The following PTPRQ variants were observed in gnomAD, a reference collection of about 807,000 sequenced individuals.
PTPRQ encodes the protein protein tyrosine phosphatase receptor type Q.
A neutral mutation model predicts 246.0 loss-of-function variants in PTPRQ; 199 were observed. The ratio of observed to expected loss-of-function variants is 0.81; its 90% CI spans 0.72 to 0.91. The LOEUF (loss-of-function observed/expected upper bound fraction) is 0.91, where lower values mean the gene tolerates loss of function less well. Ranked by LOEUF, PTPRQ falls within the 40% of genes least tolerant of loss-of-function variation. The pLI is 0.00. For missense variants in PTPRQ, 2,624 were observed against 2,528.4 expected, an observed-to-expected ratio of 1.04 and a Z score of -0.81; for synonymous variants, 869 against 853.2, an observed-to-expected ratio of 1.02 and a Z score of -0.32.
intron 26 of PTPRQ, among the ~76,000 whole-genome samples, chr12:80,601,605 T>TTG (rs1410483496): frequency 6.6e-6 from 1 of 151,772 alleles, no homozygotes; most frequent in Non-Finnish European, 1.5e-5. Flanking sequence ...GATCAGAAAA[T>TTG]TGTTTCTGTC....
intron 17 of PTPRQ, among the ~76,000 whole-genome samples, chr12:80,518,293 T>C (rs544802815): frequency 5.9e-5 from 9 of 152,320 alleles, no homozygotes; most frequent in African/African-American, 2.2e-4. Context: ...TTTTGAGAAA[T>C]GTCTATTCAA....
chr12:80,599,064 A>G (rs1316719022), intron 26 of PTPRQ, among the ~76,000 whole-genome samples: 1 of 151,944 alleles, frequency 6.6e-6, no homozygotes. Context: ...TTTTATATGG[A>G]CTAGGCAAAA....
chr12:80,517,044 A>T (rs1895324280), intron 17 of PTPRQ, among the ~76,000 whole-genome samples: 1 of 152,114 alleles, frequency 6.6e-6, no homozygotes, highest in African/African-American at 2.4e-5. Context: ...CAATGTTCTG[A>T]CCAATGTTCT....
At chr12:80,652,648 A>C in intron 37 of PTPRQ, 96 bp from the exon 38 acceptor site, 1 of 1,151,014 alleles carries the variant, frequency 8.7e-7, no homozygotes, top group African/African-American at 1.6e-5. Flanking sequence ...TTTAAAAATT[A>C]AAAAAAAAGT....
At chr12:80,631,573 T>C (rs1899437291) in intron 33 of PTPRQ, among the ~76,000 whole-genome samples, 1 of 152,188 alleles carries the variant, frequency 6.6e-6, no homozygotes, top group South Asian at 2.1e-4. Flanking sequence ...TTATATGTCT[T>C]GAATTTGTTT....
At chr12:80,562,283 A>G (rs1350418914) in intron 25 of PTPRQ, among the ~76,000 whole-genome samples, 2 of 152,184 alleles carry the variant, frequency 1.3e-5, no homozygotes, top group African/African-American at 4.8e-5. Context: ...TAGTTACTGT[A>G]TAAGAGTAAT....
chr12:80,554,975 G>A (rs531138651), intron 25 of PTPRQ, among the ~76,000 whole-genome samples: 21 of 151,596 alleles, frequency 1.4e-4, no homozygotes, highest in East Asian at 5.9e-4. Flanking sequence ...GTGAAGTGGC[G>A]CTATCTTGAC....
At chr12:80,644,430 T>C (rs554772480) in intron 35 of PTPRQ, among the ~76,000 whole-genome samples, 1 of 152,278 alleles carries the variant, frequency 6.6e-6, no homozygotes, top group South Asian at 2.1e-4. Flanking sequence ...CTATCATAAA[T>C]GAATATCCTA....
chr12:80,477,726 G>T (rs1372511901), intron 8 of PTPRQ, among the ~76,000 whole-genome samples: 1 of 152,166 alleles, frequency 6.6e-6, no homozygotes, highest in Non-Finnish European at 1.5e-5. Flanking sequence ...AAGCGCAAGG[G>T]GTCAGGGAGT....
At position 80,555,498 on chromosome 12, in the gene PTPRQ, C is replaced by T. The variant is rs547296221; in HGVS notation, c.4285+5764C>T. Among the ~76,000 whole-genome samples, 77 of 152,254 alleles carry T rather than the reference C, an allele frequency of 5.1e-4. No homozygotes were observed. In the East Asian group the frequency reaches 6.6e-3, roughly 13 times the overall value. ...ATTAGTGCACTAAATCAAAAGTTCACTTTTCCTTTGTATCCTACTTACATA... is the reference window on the plus strand; with the variant it reads ...ATTAGTGCACTAAATCAAAAGTTCATTTTTCCTTTGTATCCTACTTACATA... On this transcript the variant is annotated intron_variant, in intron 25 of 44. Coordinates refer to ENST00000644991, the MANE Select transcript of PTPRQ (RefSeq NM_001145026.2).
At chr12:80,478,047 T>C (rs369553586) in intron 8 of PTPRQ, among the ~76,000 whole-genome samples, 79 of 152,210 alleles carry the variant, frequency 5.2e-4, no homozygotes, top group Non-Finnish European at 8.8e-4. Context: ...GGAGGCCTGC[T>C]TGCCTCTGTA....
At chr12:80,610,102 T>C (rs1898492527) in intron 27 of PTPRQ, among the ~76,000 whole-genome samples, 1 of 150,508 alleles carries the variant, frequency 6.6e-6, no homozygotes, top group Non-Finnish European at 1.5e-5. Context: ...GCCTGTGTGA[T>C]TAGGTACCAA....
chr12:80,499,874 G>A (rs1005429450), intron 14 of PTPRQ, among the ~76,000 whole-genome samples: 3 of 151,874 alleles, frequency 2.0e-5, no homozygotes, highest in Admixed American at 1.3e-4. Context: ...TACTTAGGGT[G>A]TAATAATCAT....
intron 17 of PTPRQ, among the ~76,000 whole-genome samples, chr12:80,519,139 C>A (rs1895395706): frequency 6.6e-6 from 1 of 151,936 alleles, no homozygotes; most frequent in South Asian, 2.1e-4. Context: ...TTTTTGGTGT[C>A]CTCTTCACTT....
At chr12:80,447,311 C>A (rs1251794122) in intron 3 of PTPRQ, among the ~76,000 whole-genome samples, 1 of 151,824 alleles carries the variant, frequency 6.6e-6, no homozygotes, top group Non-Finnish European at 1.5e-5. Flanking sequence ...TTGTTGGAAG[C>A]ATAATTTGCA....
At chr12:80,483,449 C>T (rs1412642782) in intron 8 of PTPRQ, among the ~76,000 whole-genome samples, 3 of 148,802 alleles carry the variant, frequency 2.0e-5, no homozygotes, top group African/African-American at 5.0e-5. Flanking sequence ...GTGGGTGCAG[C>T]GCACCAGCGT....
At chr12:80,604,055 G>A (rs1479700965) in intron 26 of PTPRQ, among the ~76,000 whole-genome samples, 1 of 151,390 alleles carries the variant, frequency 6.6e-6, no homozygotes, top group East Asian at 1.9e-4. Context: ...CATACAACTT[G>A]TATTCTTGCT....
intron 3 of PTPRQ, among the ~76,000 whole-genome samples, chr12:80,446,047 A>G (rs1020414966): frequency 6.6e-6 from 1 of 151,914 alleles, no homozygotes; most frequent in African/African-American, 2.4e-5. Context: ...CTTAAATGCA[A>G]ACAAGAGGCC....
At chr12:80,546,245 G>A (rs1213954487) in intron 23 of PTPRQ, among the ~76,000 whole-genome samples, 3 of 151,734 alleles carry the variant, frequency 2.0e-5, no homozygotes, top group African/African-American at 7.3e-5. Context: ...GCTTGAACCT[G>A]GGAGTCCACC....
Sources: gnomAD v4.1 joint callset for allele counts (sites outside exome capture counted in the v4.1 genomes callset) on GRCh38, gnomAD v4.1.1 for gene constraint, MANE v1.5 for transcripts, NCBI Gene and HGNC (gene_info 2026-07-23, HGNC 2026-07-21) for gene names.